Variants in EBPL observed in about 807,000 individuals in gnomAD.
The protein encoded by EBPL is EBP like.
In EBPL, 20 loss-of-function variants were observed where a neutral mutation model predicts 19.0. That is an observed-to-expected ratio of 1.05 (90% confidence interval 0.74 to 1.53). The LOEUF (loss-of-function observed/expected upper bound fraction) is 1.53, where lower values mean the gene tolerates loss of function less well. Ranked by LOEUF, EBPL falls within the 40% of genes most tolerant of loss-of-function variation. The probability of loss-of-function intolerance (pLI) is 0.00; values close to 1 mark genes in which losing one functional copy is unlikely to be tolerated. For missense variants in EBPL, 219 were observed against 261.1 expected (o/e 0.84, Z 1.11); for synonymous variants, 107 against 117.0 (o/e 0.91, Z 0.55).
rs1463728001 is a variant in EBPL at position 49,663,052 on chromosome 13, C to T, written c.380+5G>A. Reference sequence around the variant, plus strand: ...CTTCCAGCAGGACAGAAGAAGGGCACCTACCGGTAATATTTTTCTTTGACT... The same window carrying T: ...CTTCCAGCAGGACAGAAGAAGGGCATCTACCGGTAATATTTTTCTTTGACT... On this transcript the variant is annotated splice_donor_5th_base_variant and intron_variant, in intron 3 of 3. Coordinates refer to ENST00000242827, the MANE Select transcript of EBPL (RefSeq NM_032565.5). 1.9e-6 allele frequency: 3 copies of T among 1,613,456 alleles called. No individual in the cohort carries two copies. The highest frequency in any genetic ancestry group is 2.5e-6 in the Non-Finnish European group (3 of 1,180,000).
At chr13:49,671,110 A>C (rs575040495) in intron 1 of EBPL, among the ~76,000 whole-genome samples, 2 of 152,298 alleles carry the variant, frequency 1.3e-5, no homozygotes, top group African/African-American at 4.8e-5. Context: ...TGTGTCATTT[A>C]AGGATAATGC....
chr13:49,672,498 T>C (rs137897240), intron 1 of EBPL, among the ~76,000 whole-genome samples: 1 of 152,300 alleles, frequency 6.6e-6, no homozygotes, highest in Non-Finnish European at 1.5e-5. Context: ...TATCTCTGTA[T>C]TGCAAATGGC....
chr13:49,669,873 T>G lies in EBPL; in HGVS notation c.172-27A>C, dbSNP rs376045273. The G allele has an allele frequency of 3.8e-6, 6 of 1,571,398 alleles. No homozygotes were observed. The African/African-American group carries it at 8.1e-5, about 21-fold the overall frequency. On this transcript the variant is annotated intron_variant, in intron 1 of 3. Coordinates refer to ENST00000242827, the MANE Select transcript of EBPL (RefSeq NM_032565.5). The stretch of plus-strand genomic sequence containing the variant: ...TAGAGAGGAGAAAATGAAGACATGC[T>G]CTAATACAGCATCACAACCACAGGA...
intron 1 of EBPL, among the ~76,000 whole-genome samples, chr13:49,670,957 T>C (rs1229942185): frequency 6.6e-6 from 1 of 152,210 alleles, no homozygotes; most frequent in Admixed American, 6.5e-5. Context: ...TCTAAACATA[T>C]TTGTTTTCCC....
Position 49,691,482 on chromosome 13 carries a change from G to A in EBPL, c.-58C>T, listed in dbSNP as rs1383342834. ...CATGCGGCAGAGGAAAGCAGGGAGA[G>A]AAACGACGGGGCGGGGCTGGCCGGG... On this transcript the variant is annotated 5_prime_UTR_variant, in exon 1 of 4. Coordinates refer to ENST00000242827, the MANE Select transcript of EBPL (RefSeq NM_032565.5). The A allele has an allele frequency of 1.6e-6, 2 of 1,250,636 alleles. No individual in the cohort carries two copies. The highest frequency in any genetic ancestry group is 3.6e-5 in the Admixed American group (1 of 28,030). 77.5% of individuals were successfully genotyped at this position (1,250,636 alleles called of 1,614,324 possible). A position where few individuals can be genotyped will look rare whatever the true frequency, so the allele number is the denominator to read the frequency against.
chr13:49,689,475 G>A (rs563162161), intron 1 of EBPL, among the ~76,000 whole-genome samples: 8 of 151,996 alleles, frequency 5.3e-5, no homozygotes, highest in East Asian at 3.9e-4. Context: ...TCAGCCACCC[G>A]GGTAGCTGAG....
intron 1 of EBPL, among the ~76,000 whole-genome samples, chr13:49,688,515 C>A (rs922483559): frequency 1.3e-5 from 2 of 151,974 alleles, no homozygotes; most frequent in Non-Finnish European, 2.9e-5. Context: ...GTCAGGAGAT[C>A]GAGACCATCC....
chr13:49,667,352 C>T (rs917085350), intron 2 of EBPL, among the ~76,000 whole-genome samples: 12 of 152,080 alleles, frequency 7.9e-5, no homozygotes, highest in Admixed American at 5.9e-4. Flanking sequence ...AACTAAGGGT[C>T]GGGGTAGATT....
At chr13:49,676,376 G>A (rs1356379861) in intron 1 of EBPL, among the ~76,000 whole-genome samples, 1 of 152,140 alleles carries the variant, frequency 6.6e-6, no homozygotes, top group Non-Finnish European at 1.5e-5. Context: ...CGGACCACAA[G>A]GTCAGGAGAT....
intron 1 of EBPL, among the ~76,000 whole-genome samples, chr13:49,688,969 G>A (rs1489372251): frequency 2.0e-5 from 3 of 152,176 alleles, no homozygotes; most frequent in Admixed American, 1.3e-4. Context: ...AAAGACGTTG[G>A]TAGATGCATT....
At chr13:49,674,489 A>C (rs1328261801) in intron 1 of EBPL, among the ~76,000 whole-genome samples, 2 of 152,196 alleles carry the variant, frequency 1.3e-5, no homozygotes, top group Non-Finnish European at 2.9e-5. Context: ...ATTATTTCTT[A>C]CAACTGTATG....
chr13:49,678,159 G>C (rs894149270), intron 1 of EBPL, among the ~76,000 whole-genome samples: 1 of 152,176 alleles, frequency 6.6e-6, no homozygotes, highest in African/African-American at 2.4e-5. Context: ...TGTTTGGTGC[G>C]TTTACGAACC....
In EBPL at chr13:49,681,900, G is replaced by A. The variant is rs76158702; in HGVS notation, c.171+9354C>T. Among the ~76,000 whole-genome samples the A allele has an allele frequency of 4.2e-3, 643 of 152,300 alleles. 2 individuals carry two copies. Among genetic ancestry groups the A allele is most frequent in the Non-Finnish European group, 7.7e-3 (522 of 68,032 alleles). On this transcript the variant is annotated intron_variant, in intron 1 of 3. Coordinates refer to ENST00000242827, the MANE Select transcript of EBPL (RefSeq NM_032565.5). ...ACTTTCAAGAGTGAGAGAATGAAGT[G>A]GAGCAGGAATAGAATCAGTACATAA...
intron 2 of EBPL, among the ~76,000 whole-genome samples, chr13:49,669,102 A>G (rs1049861036): frequency 6.6e-5 from 10 of 152,018 alleles, no homozygotes; most frequent in Admixed American, 6.6e-4. Flanking sequence ...GATAGTCTCC[A>G]TCTCCTGACC....
intron 3 of EBPL, 36 bp downstream of exon 3, chr13:49,663,021 C>T (rs1256624973): frequency 6.2e-7 from 1 of 1,611,156 alleles, no homozygotes; most frequent in Non-Finnish European, 8.5e-7. Context: ...TGTAATGTCT[C>T]CCCTCCTTCC....
intron 2 of EBPL, chr13:49,668,666 A>C (rs951063082): frequency 2.7e-6 from 1 of 376,172 alleles, no homozygotes; most frequent in East Asian, 9.2e-5. Context: ...AGTTTTATAA[A>C]GTGGTAAAAA....
chr13:49,669,675 C>T, intron 2 of EBPL, 102 bp downstream of exon 2: 3 of 1,006,658 alleles, frequency 3.0e-6, no homozygotes, highest in African/African-American at 1.6e-5. Context: ...CTGGACATTT[C>T]ATATAAATGA....
At position 49,691,443 on chromosome 13, in the gene EBPL, C is replaced by A; in HGVS notation, c.-19G>T. The A allele has an allele frequency of 7.5e-7, 1 of 1,331,890 alleles. No homozygotes were observed. The highest frequency in any genetic ancestry group is 2.7e-5 in the South Asian group (1 of 37,670). 82.5% of individuals were successfully genotyped at this position (1,331,890 alleles called of 1,614,324 possible). A position where few individuals can be genotyped will look rare whatever the true frequency, so the allele number is the denominator to read the frequency against. ...CGCCCATGCTTCAGGCTTCCGACGC[C>A]AACGGCCCAGGACCATGCGGCAGAG... On this transcript the variant is annotated 5_prime_UTR_variant, in exon 1 of 4. Transcript: ENST00000242827.
intron 3 of EBPL, chr13:49,661,749 C>A: frequency 1.4e-6 from 2 of 1,475,820 alleles, no homozygotes; most frequent in South Asian, 1.4e-5. Context: ...GTCAAGGTAC[C>A]AAGGAAAAAT....
Sources: allele counts gnomAD v4.1 joint callset (sites outside exome capture counted in the v4.1 genomes callset), GRCh38; gene constraint gnomAD v4.1.1; transcripts MANE v1.5; gene names NCBI Gene and HGNC (gene_info 2026-07-23, HGNC 2026-07-21).